CRYL1: variants seen among roughly 807,000 people sequenced by gnomAD.
The protein encoded by CRYL1 is crystallin lambda 1.
A neutral mutation model predicts 36.6 loss-of-function variants in CRYL1; 29 were observed. That is an observed-to-expected ratio of 0.79 (90% CI 0.59 to 1.08). The LOEUF is 1.08. Ranked by LOEUF, CRYL1 falls within the 50% of genes least tolerant of loss-of-function variation. The pLI is 0.00. For synonymous variants in CRYL1, 152 were observed against 151.5 expected (o/e 1.00, Z -0.02); for missense variants, 411 against 407.9 (o/e 1.01, Z -0.06).
chr13:20,509,411 C>A (rs909849478), intron 2 of CRYL1, among the ~76,000 whole-genome samples: 18 of 152,116 alleles, frequency 1.2e-4, no homozygotes, highest in Admixed American at 5.9e-4. Flanking sequence ...GGACCAGAAT[C>A]CCTGAAGGGC....
At chr13:20,419,852 T>C (rs1187225745) in intron 5 of CRYL1, among the ~76,000 whole-genome samples, 1 of 152,226 alleles carries the variant, frequency 6.6e-6, no homozygotes, top group Non-Finnish European at 1.5e-5. Flanking sequence ...CACCACATGT[T>C]GCTTCCCCCA....
At chr13:20,442,944 A>T (rs928858386) in intron 3 of CRYL1, among the ~76,000 whole-genome samples, 1 of 152,206 alleles carries the variant, frequency 6.6e-6, no homozygotes, top group Admixed American at 6.5e-5. Flanking sequence ...TGTCAGAAGG[A>T]TCACCCTCTT....
At chr13:20,483,018 G>C (rs1032758189) in intron 3 of CRYL1, among the ~76,000 whole-genome samples, 1 of 152,086 alleles carries the variant, frequency 6.6e-6, no homozygotes. Context: ...AGAGTAGAAT[G>C]GTGGACACCC....
chr13:20,476,878 TA>T (rs2033177032), intron 3 of CRYL1: 1 of 152,348 alleles, frequency 6.6e-6, no homozygotes, highest in South Asian at 2.1e-4. Flanking sequence ...TACCTGGGTG[TA>T]GGCCGGGTGC....
In CRYL1 at chr13:20,435,528, T is replaced by C. The variant is rs2032190704; in HGVS notation, c.439-3232A>G. 2.6e-5 allele frequency among the ~76,000 whole-genome samples: 4 copies of C among 152,218 alleles called. No individual in the cohort carries two copies. The South Asian group carries it at 8.3e-4, about 32-fold the overall frequency. On this transcript the variant is annotated intron_variant, in intron 4 of 7. Coordinates refer to ENST00000298248, the MANE Select transcript of CRYL1 (RefSeq NM_015974.3). This position sits in a 1 kb window ranked among gnomAD's most constrained non-coding sequence, Gnocchi z 4.0. ...CCTCTGGCCCAAGAGGTCAATCTTG[T>C]CAATAAGGTCGGGTGCCCCTTGAAT...
At chr13:20,519,472 C>T (rs566215648) in intron 1 of CRYL1, among the ~76,000 whole-genome samples, 1 of 151,738 alleles carries the variant, frequency 6.6e-6, no homozygotes, top group South Asian at 2.1e-4. Flanking sequence ...TGACAAATGA[C>T]ACTACATGGG....
In CRYL1 at chr13:20,522,355, A is replaced by G. The variant is rs573453216; in HGVS notation, c.41+3399T>C. 2.8e-3 allele frequency among the ~76,000 whole-genome samples: 419 copies of G among 152,156 alleles called. 4 individuals carry two copies. The highest frequency in any genetic ancestry group is 0.026 in the South Asian group (123 of 4,814). On this transcript the variant is annotated intron_variant, in intron 1 of 7. Transcript: ENST00000298248. ...TGACAGAGCAAGAATCCGTCTCAAA[A>G]AAAAAAAGTACAATCACCCCAAACA...
At chr13:20,439,794 G>A (rs201600602) in intron 3 of CRYL1, 40 bp from the exon 4 acceptor site, 14 of 1,570,008 alleles carry the variant, frequency 8.9e-6, no homozygotes, top group African/African-American at 6.8e-5. Flanking sequence ...ATGACCACTC[G>A]ACTCAGGCCC....
chr13:20,470,498 G>A (rs7983250), intron 3 of CRYL1, among the ~76,000 whole-genome samples: 102,238 of 152,072 alleles, frequency 0.67, 35,692 homozygotes, highest in South Asian at 0.81. Flanking sequence ...CAAAAAACCA[G>A]TTCATTGTTT....
chr13:20,431,847 G>A, intron 5 of CRYL1: 1 of 1,423,626 alleles, frequency 7.0e-7, no homozygotes, highest in South Asian at 1.4e-5. Context: ...AAGGAGAGAA[G>A]CCTGTCATCG....
intron 3 of CRYL1, among the ~76,000 whole-genome samples, chr13:20,488,957 G>C (rs116156131): frequency 6.6e-6 from 1 of 152,298 alleles, no homozygotes; most frequent in South Asian, 2.1e-4. Context: ...CAAGTGAAAG[G>C]TTTTCTTTTT....
intron 4 of CRYL1, among the ~76,000 whole-genome samples, chr13:20,438,958 A>G (rs2032291935): frequency 6.6e-6 from 1 of 152,142 alleles, no homozygotes. Context: ...GCCAATCTGA[A>G]ACTCATTGTC....
chr13:20,518,666 T>C (rs1383317148), intron 1 of CRYL1, among the ~76,000 whole-genome samples: 1 of 152,088 alleles, frequency 6.6e-6, no homozygotes, highest in African/African-American at 2.4e-5. Flanking sequence ...TTACTGAGAA[T>C]ATACTGCAGA....
intron 5 of CRYL1, among the ~76,000 whole-genome samples, chr13:20,419,870 C>T (rs2031759284): frequency 6.6e-6 from 1 of 152,228 alleles, no homozygotes; most frequent in Non-Finnish European, 1.5e-5. Flanking sequence ...CCACATGCAA[C>T]AGGAAACTGG....
rs115130790 is a variant in CRYL1, at chr13:20,429,676, A to G, written c.633+2426T>C. On this transcript the variant is annotated intron_variant, in intron 5 of 7. Coordinates refer to ENST00000298248, the MANE Select transcript of CRYL1 (RefSeq NM_015974.3). ...GCACGGTTCTGCCGCGCAGCCCCAG[A>G]GTCTTATGGAATACAGGGCATCCAA... Among the ~76,000 whole-genome samples, 1,067 of 152,210 alleles carry G rather than the reference A, an allele frequency of 7.0e-3. 14 individuals are homozygous for G. Among genetic ancestry groups the G allele is most frequent in the African/African-American group, 0.023 (970 of 41,502 alleles).
chr13:20,421,123 C>T (rs1407893304), intron 5 of CRYL1, among the ~76,000 whole-genome samples: 1 of 152,000 alleles, frequency 6.6e-6, no homozygotes, highest in African/African-American at 2.4e-5. Context: ...AAGGGACATT[C>T]CAGAGTACTT....
intron 5 of CRYL1, among the ~76,000 whole-genome samples, chr13:20,421,406 G>A (rs1354309597): frequency 3.3e-5 from 5 of 152,144 alleles, no homozygotes; most frequent in African/African-American, 1.2e-4. Flanking sequence ...TGTAAGCCCT[G>A]ACTCCAAAAA....
intron 3 of CRYL1, among the ~76,000 whole-genome samples, chr13:20,480,481 G>A (rs185619513): frequency 1.3e-5 from 2 of 152,258 alleles, no homozygotes; most frequent in Non-Finnish European, 1.5e-5. Flanking sequence ...TCAGGCTAAC[G>A]CTGACCTTGA....
chr13:20,494,767 G>A (rs2033575810), intron 2 of CRYL1, among the ~76,000 whole-genome samples: 2 of 152,212 alleles, frequency 1.3e-5, no homozygotes, highest in African/African-American at 4.8e-5. Context: ...GTCCCATGGA[G>A]ACAGCAAGCA....
Sources: gnomAD v4.1 joint callset for allele counts (sites outside exome capture counted in the v4.1 genomes callset) on GRCh38, gnomAD v4.1.1 for gene constraint, Gnocchi (gnomAD v3.1) non-coding constraint, MANE v1.5 for transcripts, NCBI Gene and HGNC (gene_info 2026-07-23, HGNC 2026-07-21) for gene names.